The following PRSS54 variants were observed in gnomAD, a reference collection of about 807,000 sequenced individuals.
PRSS54 encodes the protein inactive serine protease 54.
Under a neutral mutation model 19.9 loss-of-function variants are expected in PRSS54, and 16 were observed. That is an observed-to-expected ratio of 0.80 (90% CI 0.54 to 1.22). The LOEUF is 1.22. Among genes scored for constraint, PRSS54 ranks in the 50% most tolerant of loss-of-function variants. The probability of loss-of-function intolerance (pLI) is 0.00; values close to 1 mark genes in which losing one functional copy is unlikely to be tolerated. For missense variants in PRSS54, 444 were observed against 494.8 expected (o/e 0.90, Z 0.97); for synonymous variants, 177 against 195.8 (o/e 0.90, Z 0.80).
chr16:58,284,671 A>T lies in PRSS54; in HGVS notation c.573T>A (p.Asp191Glu), dbSNP rs1159695944. The T allele has an allele frequency of 6.2e-7, 1 of 1,613,960 alleles. No homozygotes were observed. The highest frequency in any genetic ancestry group is 1.3e-5 in the African/African-American group (1 of 74,896). Residue 191 changes from aspartate to glutamate, a missense_variant, in exon 6 of 7, where the codon GAT becomes GAA. By Grantham distance (45) the Asp-to-Glu change is conservative. Transcript: ENST00000567164. ...MSVLRKIFVK[D>E]LDMCPLYKLQ... ...GTTTGTATAGGGGACACATGTCAAG[A>T]TCTTTCACGAAGATTTTCCTCAGGA...
At position 58,293,356 on chromosome 16, in the gene PRSS54, C is replaced by A. The variant is rs1199318462; in HGVS notation, c.85+376G>T. Among the ~76,000 whole-genome samples the A allele has an allele frequency of 3.3e-5, 5 of 152,148 alleles. No individual in the cohort carries two copies. The East Asian group carries it at 9.6e-4, about 29-fold the overall frequency. On this transcript the variant is annotated intron_variant, in intron 3 of 6. Coordinates refer to ENST00000567164, the MANE Select transcript of PRSS54 (RefSeq NM_001305173.2). Reference sequence around the variant, plus strand: ...TCCAAGACACCTGCAGCAGTAGAAGCCCCCTGCTCCCGGGACCAGCCCTGC... The same window carrying A: ...TCCAAGACACCTGCAGCAGTAGAAGACCCCTGCTCCCGGGACCAGCCCTGC...
Position 58,280,766 on chromosome 16 carries a change from A to G in PRSS54, c.655-9T>C. On this transcript the variant is annotated splice_polypyrimidine_tract_variant and intron_variant, in intron 6 of 6. Transcript: ENST00000567164. ...GGGCTTCCTGGGTCCCCCTGTGATA[A>G]AAGACAGAAGGCTTCAAGTCTTAGA... 1 of 1,592,490 alleles carries G rather than the reference A, an allele frequency of 6.3e-7. No individual in the cohort carries two copies. Among genetic ancestry groups the G allele is most frequent in the Non-Finnish European group, 8.6e-7 (1 of 1,166,600 alleles).
chr16:58,284,741 G>A lies in PRSS54; in HGVS notation c.523-20C>T. 1 of 1,613,288 alleles carries A rather than the reference G, an allele frequency of 6.2e-7. No individual in the cohort carries two copies. Among genetic ancestry groups the A allele is most frequent in the Non-Finnish European group, 8.5e-7 (1 of 1,179,554 alleles). ...TCCTGTCTGGACCATGCAACAGAGA[G>A]CCCAGGGATTATTAACGAGAAGGCA... On this transcript the variant is annotated intron_variant, in intron 5 of 6. Transcript: ENST00000567164.
In PRSS54 at chr16:58,280,541, C is replaced by A; in HGVS notation, c.871G>T (p.Gly291Ter). 6.2e-7 allele frequency: 1 copy of A among 1,614,134 alleles called. No homozygotes were observed. The highest frequency in any genetic ancestry group is 8.5e-7 in the Non-Finnish European group (1 of 1,180,034). Residue 291 changes from glycine to a stop codon, truncating the protein, a stop_gained, in exon 7 of 7, where the codon GGA becomes TGA. Transcript: ENST00000567164. LOFTEE classifies it low-confidence loss of function (END_TRUNC). ...TTCTGTGTCATGGTGGCATTTGGTC[C>A]ATGGTGGGAGAAAGAAATCAACTTT... is the stretch of plus-strand genomic sequence containing the variant. Reference protein sequence around the residue: ...WEKLISFSHHGPNATMTQKTY... With the variant: ...WEKLISFSHH
intron 3 of PRSS54, among the ~76,000 whole-genome samples, chr16:58,291,925 AT>A (rs1182835076): frequency 6.6e-6 from 1 of 151,354 alleles, no homozygotes; most frequent in Non-Finnish European, 1.5e-5. Flanking sequence ...TTCCTTTTTT[AT>A]TTTTTATTTT....
At position 58,291,644 on chromosome 16, in the gene PRSS54, G is replaced by A. The variant is rs141474146; in HGVS notation, c.86-508C>T. On this transcript the variant is annotated intron_variant, in intron 3 of 6. Coordinates refer to ENST00000567164, the MANE Select transcript of PRSS54 (RefSeq NM_001305173.2). ...CTACAGGCGCCTGCCACTACCCCCC[G>A]GCTAAATTCTTTTATTTTTAGTAGA... 3.7e-3 allele frequency among the ~76,000 whole-genome samples: 562 copies of A among 151,870 alleles called. 3 individuals carry two copies. Among genetic ancestry groups the A allele is most frequent in the Non-Finnish European group, 5.4e-3 (365 of 67,970 alleles).
intron 4 of PRSS54, 55 bp downstream of exon 4, chr16:58,290,904 C>T (rs1965022096): frequency 1.3e-6 from 2 of 1,579,264 alleles, no homozygotes; most frequent in African/African-American, 1.3e-5. Flanking sequence ...GAAACAGGGT[C>T]GCCCCCACCC....
chr16:58,289,946 A>C (rs530214910), intron 4 of PRSS54, among the ~76,000 whole-genome samples: 1 of 152,120 alleles, frequency 6.6e-6, no homozygotes, highest in East Asian at 1.9e-4. Context: ...ATATTCCATC[A>C]AGGATTTATA....
At chr16:58,288,513 T>C (rs1233132624) in intron 4 of PRSS54, among the ~76,000 whole-genome samples, 2 of 152,052 alleles carry the variant, frequency 1.3e-5, no homozygotes, top group Admixed American at 6.6e-5. Context: ...ACCAAAAGAA[T>C]AGGCCAGATA....
In PRSS54 at chr16:58,280,442, G is replaced by A. The variant is rs139486663; in HGVS notation, c.970C>T (p.Arg324Ter). ...CTATCTCTAGAGCTGTTTCCTAGTC[G>A]TGAATGCGTGATGGTCCTTCTTTGT... ...QGQRRTITHS[R>*]LGNSSRDSLD... The change falls in exon 7 of 7, where the codon CGA becomes TGA. Residue 324 changes from arginine (R) to a stop codon, truncating the protein, a stop_gained. Transcript: ENST00000567164. LOFTEE classifies it low-confidence loss of function (END_TRUNC). 2.1e-5 allele frequency: 34 copies of A among 1,614,040 alleles called. 1 individual carries two copies. The African/African-American group carries it at 2.7e-4, about 13-fold the overall frequency.
intron 6 of PRSS54, 162 bp from the exon 7 acceptor site, chr16:58,280,919 C>G (rs1296322511): frequency 1.6e-6 from 1 of 627,618 alleles, no homozygotes; most frequent in Non-Finnish European, 2.7e-6. Flanking sequence ...CAGCCACCAC[C>G]ACAAATTCCA....
rs538831170 is a variant in PRSS54 at position 58,280,266 on chromosome 16, G to A, written c.1146C>T (p.Ile382=). The part of the protein sequence containing the change: ...QNRLYQPEEI[I]LVSFVLVFFC... ...AGAAAACAAGCACGAAGGAAACCAA[G>A]ATGATTTCTTCGGGCTGATACAACC... The change falls in exon 7 of 7, where the codon ATC becomes ATT. Residue 382 remains isoleucine (I), a synonymous_variant. Transcript: ENST00000567164. 19 of 1,613,754 alleles carry A rather than the reference G, an allele frequency of 1.2e-5. No homozygotes were observed. The African/African-American group carries it at 2.5e-4, about 22-fold the overall frequency.
chr16:58,290,714 C>T (rs1965017859), intron 4 of PRSS54, among the ~76,000 whole-genome samples: 1 of 152,204 alleles, frequency 6.6e-6, no homozygotes. Context: ...AAGAATATCC[C>T]ACCTGCATTG....
rs752340742 is a variant in PRSS54 at position 58,280,211 on chromosome 16, G to T, written c.*13C>A. 1 of 1,592,458 alleles carries T rather than the reference G, an allele frequency of 6.3e-7. No individual in the cohort carries two copies. Among genetic ancestry groups the T allele is most frequent in the Non-Finnish European group, 8.6e-7 (1 of 1,169,060 alleles). The stretch of plus-strand genomic sequence containing the variant: ...CTCAGTTTACTCTTCAGTTTGGTGG[G>T]GTAGCTCCTGGACTAGATACTGCTG... On this transcript the variant is annotated 3_prime_UTR_variant, in exon 7 of 7. Coordinates refer to ENST00000567164, the MANE Select transcript of PRSS54 (RefSeq NM_001305173.2).
rs1965029012 is a variant in PRSS54, at chr16:58,291,076, C to T, written c.146G>A (p.Ser49Asn). 1.2e-6 allele frequency: 2 copies of T among 1,614,218 alleles called. No individual in the cohort carries two copies. The highest frequency in any genetic ancestry group is 4.5e-5 in the East Asian group (2 of 44,876). The stretch of plus-strand genomic sequence containing the variant: ...CACCACCCACGGGAACTCCATGCTG[C>T]TGACCAAGCCCTCCTTGGGGTCAGG... ...YGPDPKEGLV[S>N]SMEFPWVVSL... Residue 49 changes from serine to asparagine, a missense_variant, in exon 4 of 7, where the codon AGC becomes AAC. By Grantham distance (46) the Ser-to-Asn change is conservative (BLOSUM62 1). Coordinates refer to ENST00000567164, the MANE Select transcript of PRSS54 (RefSeq NM_001305173.2).
chr16:58,288,246 C>G (rs1255470662), intron 4 of PRSS54, among the ~76,000 whole-genome samples: 1 of 152,084 alleles, frequency 6.6e-6, no homozygotes, highest in African/African-American at 2.4e-5. Context: ...GCCATCATGG[C>G]AAAACCTCGT....
intron 6 of PRSS54, chr16:58,283,651 A>G (rs559364065): frequency 1.3e-5 from 2 of 152,296 alleles, no homozygotes; most frequent in South Asian, 4.1e-4. Context: ...TTTGTTAAAA[A>G]GCTATATCTT....
rs979166506 is a variant in PRSS54 at position 58,286,334 on chromosome 16, T to G, written c.264-139A>C. 7.0e-6 allele frequency: 6 copies of G among 853,996 alleles called. No individual in the cohort carries two copies. In the Middle Eastern group the frequency reaches 1.1e-3, roughly 159 times the overall value. 52.9% of individuals were successfully genotyped at this position (853,996 alleles called of 1,614,324 possible). On this transcript the variant is annotated intron_variant, in intron 4 of 6. Transcript: ENST00000567164. ...CTGTGTTAATTCTTCCTCACCCCTT[T>G]GGACTCAAGTTTCTAGGAAATCTTT...
intron 4 of PRSS54, among the ~76,000 whole-genome samples, chr16:58,290,480 G>T (rs1256985386): frequency 6.6e-6 from 1 of 152,214 alleles, no homozygotes; most frequent in African/African-American, 2.4e-5. Context: ...GCTAAAAGAA[G>T]AAAGTAGAAA....
Sources: gnomAD v4.1 joint callset for allele counts (sites outside exome capture counted in the v4.1 genomes callset) on GRCh38, gnomAD v4.1.1 for gene constraint, MANE v1.5 for transcripts, NCBI Gene and HGNC (gene_info 2026-07-23, HGNC 2026-07-21) for gene names.